GNG12: variants seen among roughly 807,000 people sequenced by gnomAD.
GNG12 encodes G protein subunit gamma 12, also known as guanine nucleotide-binding protein G(I)/G(S)/G(O) subunit gamma-12.
For synonymous variants in GNG12, 28 were observed against 29.7 expected (o/e 0.94, Z 0.19); for missense variants, 69 against 83.8 (o/e 0.82, Z 0.69).
intron 3 of GNG12, 127 bp from the exon 4 acceptor site, chr1:67,705,703 A>G: frequency 7.2e-7 from 1 of 1,387,250 alleles, no homozygotes; most frequent in Non-Finnish European, 9.4e-7. Context: ...GTCTCAAAGC[A>G]TCACTCTCAG....
In GNG12 at chr1:67,830,031, T is replaced by G. The variant is rs1439388409; in HGVS notation, c.-77+3313A>C. ...TTTTTTTTTTTTTTTTGAGACAGAG[T>G]TTTTGCTCTTGTTGCCCAGGCTGGA... is the stretch of plus-strand genomic sequence containing the variant. On this transcript the variant is annotated intron_variant, in intron 1 of 3. Transcript: ENST00000370982. Among the ~76,000 whole-genome samples the G allele has an allele frequency of 4.5e-5, 6 of 133,870 alleles. No homozygotes were observed. The East Asian group carries it at 8.9e-4, about 20-fold the overall frequency. The allele number at this position is 133,870 out of a possible 152,430, so 87.8% of individuals were successfully genotyped here. A position where few individuals can be genotyped will look rare whatever the true frequency, so the allele number is the denominator to read the frequency against.
intron 2 of GNG12, among the ~76,000 whole-genome samples, chr1:67,766,685 C>T (rs1020104989): frequency 6.6e-6 from 1 of 151,912 alleles, no homozygotes; most frequent in African/African-American, 2.4e-5. Flanking sequence ...GGCTCCCTCC[C>T]ACCCGGTCTC....
intron 1 of GNG12, among the ~76,000 whole-genome samples, chr1:67,816,820 C>T (rs1472346354): frequency 6.6e-6 from 1 of 152,194 alleles, no homozygotes; most frequent in East Asian, 1.9e-4. Context: ...AGCAGGAGAA[C>T]AAGAGGTGTG....
chr1:67,801,616 T>G (rs965159572), intron 1 of GNG12, among the ~76,000 whole-genome samples: 2 of 151,982 alleles, frequency 1.3e-5, no homozygotes, highest in African/African-American at 4.8e-5. Flanking sequence ...TGGCTTGGAG[T>G]GGAGAACAAA....
rs144723240 is a variant in GNG12 at position 67,703,471 on chromosome 1, T to G, written c.*1980A>C. 6.6e-6 allele frequency: 1 copy of G among 152,298 alleles called. No homozygotes were observed. The highest frequency in any genetic ancestry group is 1.5e-5 in the Non-Finnish European group (1 of 68,028). The allele number at this position is 152,298 out of a possible 1,614,324, so 9.4% of individuals were successfully genotyped here. ...TTAAAAATCAGAGTGAAAATCAGAT[T>G]AGTGTTCTGAAACTGAGTAGAAAAA... On this transcript the variant is annotated 3_prime_UTR_variant, in exon 4 of 4. Transcript: ENST00000370982.
intron 2 of GNG12, among the ~76,000 whole-genome samples, chr1:67,708,038 G>C (rs1266270176): frequency 6.6e-6 from 1 of 152,182 alleles, no homozygotes; most frequent in Non-Finnish European, 1.5e-5. Flanking sequence ...GTAGCACTTA[G>C]GGGACCTGTG....
intron 2 of GNG12, among the ~76,000 whole-genome samples, chr1:67,710,144 A>T (rs1200245487): frequency 1.1e-4 from 2 of 18,998 alleles, no homozygotes; most frequent in African/African-American, 2.9e-4. Context: ...ATAGTTATAT[A>T]TATATAGTTA....
chr1:67,748,459 G>A (rs979054240), intron 2 of GNG12, among the ~76,000 whole-genome samples: 1 of 152,170 alleles, frequency 6.6e-6, no homozygotes, highest in Admixed American at 6.5e-5. Flanking sequence ...GTGAAACACA[G>A]GGATATGAGT....
At chr1:67,713,555 C>G (rs1194954625) in intron 2 of GNG12, among the ~76,000 whole-genome samples, 1 of 152,016 alleles carries the variant, frequency 6.6e-6, no homozygotes, top group Admixed American at 6.5e-5. Flanking sequence ...GCCCCAGGGT[C>G]TGAATCACAA....
intron 1 of GNG12, among the ~76,000 whole-genome samples, chr1:67,808,067 C>T (rs1646903265): frequency 1.3e-5 from 2 of 151,982 alleles, no homozygotes; most frequent in South Asian, 4.1e-4. Flanking sequence ...AAAGTATTAA[C>T]AAACTGAATC....
intron 2 of GNG12, among the ~76,000 whole-genome samples, chr1:67,726,173 C>A (rs1242285884): frequency 6.6e-6 from 1 of 152,306 alleles, no homozygotes; most frequent in East Asian, 1.9e-4. Context: ...AGTAACTGAC[C>A]AGGCCATGGG....
intron 1 of GNG12, among the ~76,000 whole-genome samples, chr1:67,818,506 G>T (rs12117391): frequency 6.8e-6 from 1 of 147,212 alleles, no homozygotes. Flanking sequence ...GCCAAAAATG[G>T]GACAAAATAC....
intron 2 of GNG12, among the ~76,000 whole-genome samples, chr1:67,754,083 C>T (rs537784710): frequency 2.0e-5 from 3 of 152,234 alleles, no homozygotes; most frequent in South Asian, 4.2e-4. Context: ...CGGTCGTGCC[C>T]GGAGAGTTGT....
intron 2 of GNG12, among the ~76,000 whole-genome samples, chr1:67,731,384 T>G (rs375376835): frequency 9.8e-5 from 15 of 152,290 alleles, no homozygotes; most frequent in African/African-American, 3.6e-4. Flanking sequence ...AAAATCCACA[T>G]GTAACTTTAA....
At chr1:67,771,015 G>GAGAT (rs781110873) in intron 2 of GNG12, among the ~76,000 whole-genome samples, 18 of 143,596 alleles carry the variant, frequency 1.3e-4, no homozygotes, top group Admixed American at 1.2e-3. Flanking sequence ...CAGAGATACA[G>GAGAT]AGAGAGAGAG....
intron 2 of GNG12, among the ~76,000 whole-genome samples, chr1:67,751,991 T>C (rs997647288): frequency 2.0e-5 from 3 of 152,222 alleles, no homozygotes; most frequent in African/African-American, 7.2e-5. Context: ...TCGTATTACA[T>C]CTGTCTTTCA....
chr1:67,741,126 T>G (rs893917688), intron 2 of GNG12, among the ~76,000 whole-genome samples: 1 of 152,246 alleles, frequency 6.6e-6, no homozygotes, highest in Non-Finnish European at 1.5e-5. Context: ...CTCAGTTCAT[T>G]TTTATAAAAT....
At position 67,702,879 on chromosome 1, in the gene GNG12, G is replaced by A. The variant is rs1215116337; in HGVS notation, c.*2572C>T. On this transcript the variant is annotated 3_prime_UTR_variant, in exon 4 of 4. Coordinates refer to ENST00000370982, the MANE Select transcript of GNG12 (RefSeq NM_018841.6). ...TGGAAATGAAGCCAAGAAGTTGCATGTATATACGTGAGAAAGATTATCATT... is the reference window on the plus strand; with the variant it reads ...TGGAAATGAAGCCAAGAAGTTGCATATATATACGTGAGAAAGATTATCATT... 25 of 152,138 alleles carry A rather than the reference G, an allele frequency of 1.6e-4. No homozygotes were observed. Among genetic ancestry groups the A allele is most frequent in the Admixed American group, 1.6e-3 (25 of 15,278 alleles). The allele number at this position is 152,138 out of a possible 1,614,324, so 9.4% of individuals were successfully genotyped here. A position where few individuals can be genotyped will look rare whatever the true frequency, so the allele number is the denominator to read the frequency against.
At chr1:67,745,337 T>C (rs1222337104) in intron 2 of GNG12, among the ~76,000 whole-genome samples, 2 of 152,066 alleles carry the variant, frequency 1.3e-5, no homozygotes, top group Non-Finnish European at 2.9e-5. Flanking sequence ...TTTGGAAGAG[T>C]CCTGGGCTTT....
Sources: gnomAD v4.1 joint callset for allele counts (sites outside exome capture counted in the v4.1 genomes callset) on GRCh38, gnomAD v4.1.1 for gene constraint, MANE v1.5 for transcripts, NCBI Gene and HGNC (gene_info 2026-07-23, HGNC 2026-07-21) for gene names.